Variants in ARHGAP8 observed in about 807,000 individuals in gnomAD.
ARHGAP8 encodes Rho GTPase activating protein 8.
In ARHGAP8, 62 loss-of-function variants were observed where a neutral mutation model predicts 46.1. The observed-to-expected ratio is 1.34, with a 90% confidence interval of 1.10 to 1.66. ARHGAP8 has a LOEUF of 1.66. ARHGAP8 is among the 40% of genes most tolerant of loss of function. The pLI is 0.00. For missense variants in ARHGAP8, 923 were observed against 568.4 expected (o/e 1.62, Z -6.34); for synonymous variants, 375 against 243.1 (o/e 1.54, Z -5.05).
chr22:44,836,233 T>TTTTC (rs912829337), intron 7 of ARHGAP8, among the ~76,000 whole-genome samples: 1 of 152,060 alleles, frequency 6.6e-6, no homozygotes, highest in African/African-American at 2.4e-5. Context: ...TACCTTTTTT[T>TTTTC]TTTCTTTCTT....
chr22:44,819,974 G>C (rs1930012525), intron 5 of ARHGAP8, among the ~76,000 whole-genome samples: 1 of 152,226 alleles, frequency 6.6e-6, no homozygotes, highest in South Asian at 2.1e-4. Context: ...CTGGAGCCCA[G>C]ATTGGGCTCC....
intron 5 of ARHGAP8, among the ~76,000 whole-genome samples, chr22:44,819,791 C>T (rs988094198): frequency 6.6e-6 from 1 of 152,218 alleles, no homozygotes; most frequent in African/African-American, 2.4e-5. Flanking sequence ...CCACATTTTC[C>T]CCATTCCAAA....
At chr22:44,807,835 C>T (rs373530214) in intron 3 of ARHGAP8, among the ~76,000 whole-genome samples, 5 of 152,152 alleles carry the variant, frequency 3.3e-5, no homozygotes, top group African/African-American at 9.7e-5. Context: ...ATCATGCTGT[C>T]GTCGACACTC....
chr22:44,767,822 G>A (rs1265663553), intron 1 of ARHGAP8, among the ~76,000 whole-genome samples: 2 of 147,896 alleles, frequency 1.4e-5, no homozygotes, highest in Non-Finnish European at 3.0e-5. Context: ...GCAATGAGCC[G>A]AGACCGAGCC....
chr22:44,858,789 G>A (rs1048910995), intron 10 of ARHGAP8, among the ~76,000 whole-genome samples: 5 of 150,928 alleles, frequency 3.3e-5, no homozygotes, highest in Non-Finnish European at 7.4e-5. Flanking sequence ...GTGGGACACT[G>A]CCTTTCCAAG....
rs116387646 is a variant in ARHGAP8, at chr22:44,811,100, G to A, written c.299+2662G>A. Among the ~76,000 whole-genome samples, 1,089 of 152,326 alleles carry A rather than the reference G, an allele frequency of 7.1e-3. 18 individuals carry two copies. The highest frequency in any genetic ancestry group is 0.022 in the African/African-American group (906 of 41,582). Reference sequence around the variant, plus strand: ...GAAATCAGCCCAGAGAAACAAACCCGTAATCAGCCCAGGGTGCTTTCCCTT... The same window carrying A: ...GAAATCAGCCCAGAGAAACAAACCCATAATCAGCCCAGGGTGCTTTCCCTT... On this transcript the variant is annotated intron_variant, in intron 4 of 11. Coordinates refer to ENST00000356099, the MANE Select transcript of ARHGAP8 (RefSeq NM_181335.3).
Position 44,802,183 on chromosome 22 carries a change from C to T in ARHGAP8, c.167+19C>T, listed in dbSNP as rs539384500. 3.7e-6 allele frequency: 6 copies of T among 1,613,532 alleles called. No individual in the cohort carries two copies. Among genetic ancestry groups the T allele is most frequent in the African/African-American group, 1.3e-5 (1 of 74,870 alleles). On this transcript the variant is annotated intron_variant, in intron 3 of 11. Transcript: ENST00000356099. ...TGCTGGAGTAAGTGTTCTGCCCCCT[C>T]TCTTTCTGTCCCTGTCTCTCCATGT...
At chr22:44,833,758 A>G (rs1052591037) in intron 7 of ARHGAP8, among the ~76,000 whole-genome samples, 1 of 152,166 alleles carries the variant, frequency 6.6e-6, no homozygotes, top group African/African-American at 2.4e-5. Context: ...CATTTTACAG[A>G]ATTCACCACT....
At chr22:44,860,631 A>G (rs542876271) in intron 11 of ARHGAP8, among the ~76,000 whole-genome samples, 1 of 80,290 alleles carries the variant, frequency 1.2e-5, no homozygotes, top group East Asian at 6.8e-4. Context: ...GCCACCATTC[A>G]ATCTACTACA....
chr22:44,851,912 C>G (rs62232220), intron 10 of ARHGAP8, among the ~76,000 whole-genome samples: 2 of 151,638 alleles, frequency 1.3e-5, no homozygotes, highest in Admixed American at 6.6e-5. Flanking sequence ...GAAAATGGGC[C>G]GGGTGCAGTG....
chr22:44,821,206 C>T (rs5766058), intron 5 of ARHGAP8, among the ~76,000 whole-genome samples: 19,902 of 145,598 alleles, frequency 0.14, 1,683 homozygotes, highest in East Asian at 0.34. Flanking sequence ...CCAAGGCGGG[C>T]GGATCACGAG....
At chr22:44,789,677 T>C (rs1323745422) in intron 2 of ARHGAP8, among the ~76,000 whole-genome samples, 1 of 150,664 alleles carries the variant, frequency 6.6e-6, no homozygotes, top group Non-Finnish European at 1.5e-5. Flanking sequence ...TTTCTTGGTT[T>C]TTTTGTAGAG....
At chr22:44,775,786 C>G (rs1381031330) in intron 1 of ARHGAP8, among the ~76,000 whole-genome samples, 1 of 152,126 alleles carries the variant, frequency 6.6e-6, no homozygotes, top group Admixed American at 6.6e-5. Flanking sequence ...TACCTGAATT[C>G]TATTTTTTAG....
intron 11 of ARHGAP8, among the ~76,000 whole-genome samples, chr22:44,861,967 CCATCCCCAAGATTG>C (rs2070509874): frequency 6.6e-6 from 1 of 152,082 alleles, no homozygotes; most frequent in Non-Finnish European, 1.5e-5. Flanking sequence ...GTGCTACAGC[CCATCCCCAAGATTG>C]CATCTCCCCA....
At chr22:44,833,004 G>A (rs1238330975) in intron 7 of ARHGAP8, among the ~76,000 whole-genome samples, 2 of 151,498 alleles carry the variant, frequency 1.3e-5, no homozygotes, top group Non-Finnish European at 2.9e-5. Flanking sequence ...AGAATCAACA[G>A]TCCTTCACTA....
At chr22:44,812,420 G>A (rs542407841) in intron 4 of ARHGAP8, among the ~76,000 whole-genome samples, 37 of 149,506 alleles carry the variant, frequency 2.5e-4, no homozygotes, top group African/African-American at 8.6e-4. Context: ...GCAGTGGCGC[G>A]ATCTTGGCTC....
At chr22:44,784,192 C>T (rs531438417) in intron 1 of ARHGAP8, among the ~76,000 whole-genome samples, 2 of 152,206 alleles carry the variant, frequency 1.3e-5, no homozygotes, top group East Asian at 3.9e-4. Flanking sequence ...TCACTTGAGG[C>T]CAGGGGTTCG....
intron 2 of ARHGAP8, among the ~76,000 whole-genome samples, chr22:44,791,433 G>A (rs1391754249): frequency 1.3e-5 from 2 of 152,178 alleles, no homozygotes; most frequent in East Asian, 1.9e-4. Context: ...GCCGGGCGCA[G>A]TGGCTCGTGC....
chr22:44,830,623 A>G (rs1172307651), intron 7 of ARHGAP8, among the ~76,000 whole-genome samples: 2 of 150,618 alleles, frequency 1.3e-5, no homozygotes, highest in African/African-American at 4.9e-5. Context: ...TGCAACCTCC[A>G]CCTCCTGGGT....
Sources: gnomAD v4.1 joint callset for allele counts (sites outside exome capture counted in the v4.1 genomes callset) on GRCh38, gnomAD v4.1.1 for gene constraint, MANE v1.5 for transcripts, NCBI Gene and HGNC (gene_info 2026-07-23, HGNC 2026-07-21) for gene names.